Variants in COL6A5 observed in about 807,000 individuals in gnomAD.
COL6A5 encodes the protein collagen type VI alpha 5 chain, also known as collagen alpha-5(VI) chain.
In COL6A5, 48 loss-of-function variants were observed where a neutral mutation model predicts 65.6. The ratio of observed to expected loss-of-function variants is 0.73; its 90% confidence interval spans 0.58 to 0.93. The LOEUF is 0.93. COL6A5 is among the 40% of genes least tolerant of loss of function. The pLI, the probability that COL6A5 is intolerant of heterozygous loss-of-function variation, is 0.00. For synonymous variants in COL6A5, 291 were observed against 322.8 expected, an observed-to-expected ratio of 0.90 and a Z score of 1.05; for missense variants, 914 against 928.3, an observed-to-expected ratio of 0.98 and a Z score of 0.20.
rs973118952 is a variant in COL6A5, at chr3:130,406,020, G to T, written c.4380+1G>T. 9.7e-5 allele frequency: 150 copies of T among 1,551,398 alleles called. No individual in the cohort carries two copies. The East Asian group carries it at 3.6e-3, about 37-fold the overall frequency. Reference sequence around the variant, plus strand: ...ACTCAAAGGATTTTCTGGACCTAAGGTACTGGAGTTTTTTCTTAGTTTAAT... The same window carrying T: ...ACTCAAAGGATTTTCTGGACCTAAGTTACTGGAGTTTTTTCTTAGTTTAAT... On this transcript the variant is annotated splice_donor_variant and NMD_transcript_variant, in intron 15 of 41. Coordinates refer to the COL6A5 transcript ENST00000312481.
chr3:130,391,135 T>G, intron 6 of COL6A5, 44 bp from the exon 7 acceptor site: 1 of 1,380,002 alleles, frequency 7.2e-7, no homozygotes, highest in Non-Finnish European at 1.0e-6. Flanking sequence ...CTGCGTAGAA[T>G]GCACTGCAGA....
chr3:130,409,976 G>A (rs1372818539), intron 18 of COL6A5, 33 bp from the exon 19 acceptor site: 6 of 1,423,644 alleles, frequency 4.2e-6, no homozygotes, highest in Non-Finnish European at 5.8e-6. Flanking sequence ...GATATTTCTG[G>A]ATTCTAAACT....
chr3:130,406,348 A>G, intron 17 of COL6A5, 27 bp downstream of exon 17: 2 of 1,519,856 alleles, frequency 1.3e-6, no homozygotes, highest in African/African-American at 1.4e-5. Context: ...CAATACTTCA[A>G]AGAAGGAGAA....
At chr3:130,381,476 T>G (rs984310203) in intron 4 of COL6A5, among the ~76,000 whole-genome samples, 6 of 152,154 alleles carry the variant, frequency 3.9e-5, no homozygotes, top group Admixed American at 6.6e-5. Context: ...TGTATTTTTA[T>G]GCACAATCAC....
intron 6 of COL6A5, 131 bp from the exon 39 acceptor site, chr3:130,470,740 T>A (rs901567686): frequency 1.6e-6 from 1 of 633,694 alleles, no homozygotes; most frequent in African/African-American, 1.8e-5. Flanking sequence ...AGAGTGTGCC[T>A]ATTTTGTGAA....
chr3:130,436,208 C>G (rs1342436620), intron 1 of COL6A5, among the ~76,000 whole-genome samples: 2 of 151,548 alleles, frequency 1.3e-5, no homozygotes, highest in African/African-American at 4.8e-5. Flanking sequence ...ATTAGTTGCT[C>G]ACATTCCCCT....
At chr3:130,478,825 G>A (rs923540511) in intron 7 of COL6A5, among the ~76,000 whole-genome samples, 5 of 152,072 alleles carry the variant, frequency 3.3e-5, no homozygotes, top group African/African-American at 4.8e-5. Context: ...AGGAAGAAGG[G>A]TGTTGCTAGA....
At chr3:130,433,552 T>C (rs1937906666) in intron 1 of COL6A5, among the ~76,000 whole-genome samples, 2 of 152,164 alleles carry the variant, frequency 1.3e-5, no homozygotes, top group South Asian at 4.1e-4. Context: ...CATTCTTTAT[T>C]CTTCCCTGCC....
intron 10 of COL6A5, 146 bp from the exon 11 acceptor site, chr3:130,400,885 A>G: frequency 5.2e-6 from 3 of 580,852 alleles, no homozygotes; most frequent in South Asian, 3.6e-5. Context: ...GTTTCTTCAT[A>G]TGTCAGGAGT....
chr3:130,469,844 G>C (rs1193770887), intron 6 of COL6A5, among the ~76,000 whole-genome samples: 1 of 152,054 alleles, frequency 6.6e-6, no homozygotes, highest in East Asian at 1.9e-4. Flanking sequence ...CTGAGATTCA[G>C]AAATGTTAAA....
chr3:130,421,260 GA>G, intron 26 of COL6A5, 57 bp downstream of exon 26: 1 of 1,546,900 alleles, frequency 6.5e-7, no homozygotes, highest in Non-Finnish European at 8.8e-7. Context: ...AATAATACAA[GA>G]AGAAATGTTC....
chr3:130,411,084 A>G (rs1937160978), intron 20 of COL6A5, among the ~76,000 whole-genome samples: 1 of 152,180 alleles, frequency 6.6e-6, no homozygotes, highest in Non-Finnish European at 1.5e-5. Flanking sequence ...AGCACTGGCA[A>G]TTAGGGTCAA....
rs1936678039 is a variant in COL6A5 at position 130,398,127 on chromosome 3, T to G, written c.3991+16T>G. The G allele has an allele frequency of 7.3e-7, 1 of 1,379,008 alleles. No homozygotes were observed. Among genetic ancestry groups the G allele is most frequent in the Non-Finnish European group, 9.7e-7 (1 of 1,031,296 alleles). The allele number at this position is 1,379,008 out of a possible 1,614,324, so 85.4% of individuals were successfully genotyped here. A position where few individuals can be genotyped will look rare whatever the true frequency, so the allele number is the denominator to read the frequency against. On this transcript the variant is annotated intron_variant and NMD_transcript_variant, in intron 10 of 41. Coordinates refer to the COL6A5 transcript ENST00000312481. ...AGAGAAGCAGGTATTGAGTTGTTGT[T>G]GTTTTTTTTTTTTTTTTTTTTGAGA...
intron 5 of COL6A5, among the ~76,000 whole-genome samples, chr3:130,467,718 T>G (rs768472576): frequency 4.6e-5 from 7 of 152,080 alleles, no homozygotes; most frequent in Non-Finnish European, 5.9e-5. Flanking sequence ...TTTCTGGCAT[T>G]TTATTTCTAT....
chr3:130,480,446 G>A (rs1710208867), intron 7 of COL6A5, among the ~76,000 whole-genome samples: 1 of 152,048 alleles, frequency 6.6e-6, no homozygotes, highest in Non-Finnish European at 1.5e-5. Flanking sequence ...GAGTTAGAAT[G>A]AAATTCTATG....
chr3:130,438,217 G>A (rs1170694178), intron 1 of COL6A5, among the ~76,000 whole-genome samples: 1 of 152,064 alleles, frequency 6.6e-6, no homozygotes, highest in Non-Finnish European at 1.5e-5. Flanking sequence ...GGCTAGTCTT[G>A]AACTCCTGAC....
chr3:130,379,366 C>G (rs1202421948), intron 3 of COL6A5, 52 bp from the exon 4 acceptor site: 3 of 1,451,230 alleles, frequency 2.1e-6, no homozygotes, highest in Non-Finnish European at 2.8e-6. Flanking sequence ...GTACCTTTTT[C>G]TCTCCGGGCC....
intron 4 of COL6A5, among the ~76,000 whole-genome samples, chr3:130,452,499 A>G (rs1472113151): frequency 1.3e-5 from 2 of 152,124 alleles, no homozygotes; most frequent in Non-Finnish European, 2.9e-5. Flanking sequence ...AAGCCGCAAA[A>G]CCAGCAAGTT....
chr3:130,368,385 A>G (rs1450990238), intron 1 of COL6A5, among the ~76,000 whole-genome samples: 4 of 152,202 alleles, frequency 2.6e-5, no homozygotes, highest in Non-Finnish European at 5.9e-5. Context: ...TTCCTCAGTA[A>G]TTAACTCAAT....
Sources: allele counts gnomAD v4.1 joint callset (sites outside exome capture counted in the v4.1 genomes callset), GRCh38; gene constraint gnomAD v4.1.1; transcripts MANE v1.5; gene names NCBI Gene and HGNC (gene_info 2026-07-23, HGNC 2026-07-21).